NTAN1: variants seen among roughly 807,000 people sequenced by gnomAD.
NTAN1 encodes N-terminal asparagine amidase.
In NTAN1, 32 loss-of-function variants were observed where a neutral mutation model predicts 41.9. That is an observed-to-expected ratio of 0.76 (90% confidence interval 0.58 to 1.03). The LOEUF (loss-of-function observed/expected upper bound fraction) is 1.03. Ranked by LOEUF, NTAN1 falls within the 50% of genes least tolerant of loss-of-function variation. The probability of loss-of-function intolerance (pLI) is 0.00; values close to 1 mark genes in which losing one functional copy is unlikely to be tolerated. For synonymous variants in NTAN1, 140 were observed against 139.5 expected, an observed-to-expected ratio of 1.00 and a Z score of -0.03; for missense variants, 377 against 377.5, an observed-to-expected ratio of 1.00 and a Z score of 0.01.
chr16:15,048,487 T>A (rs2044170159), intron 1 of NTAN1, among the ~76,000 whole-genome samples: 1 of 151,958 alleles, frequency 6.6e-6, no homozygotes, highest in South Asian at 2.1e-4. Flanking sequence ...CCCAAAGTGC[T>A]GGGATTACAG....
At chr16:15,043,034 G>A (rs1287173371) in intron 5 of NTAN1, among the ~76,000 whole-genome samples, 3 of 152,030 alleles carry the variant, frequency 2.0e-5, no homozygotes, top group African/African-American at 4.8e-5. Context: ...CCAAGTAGCT[G>A]GGATTACAGG....
chr16:15,047,369 G>T, intron 4 of NTAN1, 73 bp downstream of exon 4: 1 of 988,116 alleles, frequency 1.0e-6, no homozygotes, highest in Non-Finnish European at 1.6e-6. Flanking sequence ...TCCCCTAACA[G>T]CTTCCACAGC....
Position 15,047,513 on chromosome 16 carries a change from G to A in NTAN1, c.288C>T (p.Thr96=), listed in dbSNP as rs983494020. 4 of 1,613,980 alleles carry A rather than the reference G, an allele frequency of 2.5e-6. No individual in the cohort carries two copies. Among genetic ancestry groups the A allele is most frequent in the East Asian group, 2.2e-5 (1 of 44,888 alleles). ...TCAAGGGGACCTCAGCTTTGGTGTC[G>A]GTTCCGTCACAATGTGTCAAGCAGG... ...GATCLTHCDG[T]DTKAEVPLIM... The change falls in exon 4 of 10, where the codon ACC becomes ACT. Residue 96 remains threonine (T), a synonymous_variant. Transcript: ENST00000287706.
intron 5 of NTAN1, among the ~76,000 whole-genome samples, chr16:15,042,226 C>A (rs2043849601): frequency 6.7e-6 from 1 of 149,016 alleles, no homozygotes; most frequent in African/African-American, 2.5e-5. Flanking sequence ...TGCTCTGTCA[C>A]CCAGGCTGGA....
At chr16:15,052,808 G>A (rs2151730936) in intron 1 of NTAN1, among the ~76,000 whole-genome samples, 1 of 152,084 alleles carries the variant, frequency 6.6e-6, no homozygotes, top group South Asian at 2.1e-4. Context: ...CTGGGTGACA[G>A]AGCAAGGCTC....
chr16:15,038,482 G>T, intron 9 of NTAN1, 92 bp downstream of exon 9: 1 of 736,344 alleles, frequency 1.4e-6, no homozygotes, highest in Non-Finnish European at 2.3e-6. Flanking sequence ...CAAAGGGAAA[G>T]CAGCTATGAC....
chr16:15,048,656 C>T (rs374317705), intron 1 of NTAN1, among the ~76,000 whole-genome samples: 1 of 152,184 alleles, frequency 6.6e-6, no homozygotes, highest in East Asian at 1.9e-4. Context: ...CAGTCTCTCA[C>T]TCTGTCACCC....
chr16:15,048,192 G>T (rs1470214808), intron 1 of NTAN1, 93 bp from the exon 2 acceptor site: 1 of 797,950 alleles, frequency 1.3e-6, no homozygotes, highest in Non-Finnish European at 2.1e-6. Context: ...GCTCTGCGTG[G>T]GCAGCACGCT....
rs2044507128 is a variant in NTAN1 at position 15,056,055 on chromosome 16, C to T, written c.-84G>A. The T allele has an allele frequency of 1.9e-6, 1 of 527,682 alleles. No individual in the cohort carries two copies. Among genetic ancestry groups the T allele is most frequent in the Non-Finnish European group, 2.5e-6 (1 of 398,310 alleles). 32.7% of individuals were successfully genotyped at this position (527,682 alleles called of 1,614,324 possible). A position where few individuals can be genotyped will look rare whatever the true frequency, so the allele number is the denominator to read the frequency against. ...CGGGCCGCCCGCCGCCCCCGCCCCTCGGGCCGCGCGTCCCGCCTCGTCCTG... is the reference window on the plus strand; with the variant it reads ...CGGGCCGCCCGCCGCCCCCGCCCCTTGGGCCGCGCGTCCCGCCTCGTCCTG... On this transcript the variant is annotated 5_prime_UTR_variant, in exon 1 of 10. Coordinates refer to ENST00000287706, the MANE Select transcript of NTAN1 (RefSeq NM_173474.4).
chr16:15,048,430 G>C (rs1161341702), intron 1 of NTAN1, among the ~76,000 whole-genome samples: 3 of 152,118 alleles, frequency 2.0e-5, no homozygotes, highest in Non-Finnish European at 2.9e-5. Flanking sequence ...ATGTTGCCCA[G>C]GCTGGTCTTG....
chr16:15,047,585 C>T (rs371603293), intron 3 of NTAN1, 35 bp from the exon 4 acceptor site: 1 of 1,467,770 alleles, frequency 6.8e-7, no homozygotes, highest in Non-Finnish European at 9.6e-7. Flanking sequence ...CAAGTTATTC[C>T]CTGATGCGAG....
At chr16:15,039,106 A>C (rs994093157) in intron 8 of NTAN1, among the ~76,000 whole-genome samples, 2 of 152,224 alleles carry the variant, frequency 1.3e-5, no homozygotes, top group Non-Finnish European at 2.9e-5. Flanking sequence ...AAAAGCATAC[A>C]GTGCCTGCTG....
At chr16:15,042,530 C>T (rs536257618) in intron 5 of NTAN1, among the ~76,000 whole-genome samples, 7 of 152,182 alleles carry the variant, frequency 4.6e-5, no homozygotes, top group African/African-American at 1.7e-4. Flanking sequence ...TAGGTATTTT[C>T]CCATGTAATT....
In NTAN1 at chr16:15,038,562, G is replaced by A. The variant is rs763475589; in HGVS notation, c.753+12C>T. On this transcript the variant is annotated intron_variant, in intron 9 of 9. Transcript: ENST00000287706. ...CAGAGATTTAAGACTTACCCAGCCT[G>A]TAAACTCTCACCTCTAGTATTTGCT... The A allele has an allele frequency of 2.1e-6, 3 of 1,430,534 alleles. No homozygotes were observed. The highest frequency in any genetic ancestry group is 3.5e-5 in the Admixed American group (2 of 57,952). The allele number at this position is 1,430,534 out of a possible 1,614,324, so 88.6% of individuals were successfully genotyped here.
At chr16:15,041,726 C>A (rs111350492) in intron 5 of NTAN1, 50 bp from the exon 6 acceptor site, 1 of 1,354,408 alleles carries the variant, frequency 7.4e-7, no homozygotes. Context: ...CTCTAGTTAC[C>A]AGAACAAACT....
intron 5 of NTAN1, among the ~76,000 whole-genome samples, chr16:15,043,268 T>G (rs1432883358): frequency 6.6e-6 from 1 of 152,164 alleles, no homozygotes; most frequent in Non-Finnish European, 1.5e-5. Context: ...ACTCCTGACC[T>G]TAGGTGATCC....
At chr16:15,049,286 C>T (rs193206655) in intron 1 of NTAN1, among the ~76,000 whole-genome samples, 288 of 152,324 alleles carry the variant, frequency 1.9e-3, no homozygotes, top group Non-Finnish European at 3.2e-3. Context: ...ACCTTGGCCT[C>T]CTACAGTGCT....
At position 15,038,221 on chromosome 16, in the gene NTAN1, A is replaced by G. The variant is rs754318040; in HGVS notation, c.754-11T>C. Reference sequence around the variant, plus strand: ...CGAAGTGGAAAGATTCTGAAAACACAAGATGGTGGGCATTAGAGAAGCCAA... The same window carrying G: ...CGAAGTGGAAAGATTCTGAAAACACGAGATGGTGGGCATTAGAGAAGCCAA... On this transcript the variant is annotated splice_polypyrimidine_tract_variant and intron_variant, in intron 9 of 9. Transcript: ENST00000287706. 2 of 1,609,642 alleles carry G rather than the reference A, an allele frequency of 1.2e-6. No homozygotes were observed. Among genetic ancestry groups the G allele is most frequent in the East Asian group, 4.5e-5 (2 of 44,854 alleles).
rs141911550 is a variant in NTAN1 at position 15,038,533 on chromosome 16, G to A, written c.753+41C>T. The A allele has an allele frequency of 2.1e-4, 225 of 1,089,262 alleles. No homozygotes were observed. In the African/African-American group the frequency reaches 3.3e-3, roughly 16 times the overall value. The allele number at this position is 1,089,262 out of a possible 1,614,324, so 67.5% of individuals were successfully genotyped here. ...TTTTTCTTACAGATGGGGAAACCAG[G>A]GTGCAGAGATTTAAGACTTACCCAG... On this transcript the variant is annotated intron_variant, in intron 9 of 9. Transcript: ENST00000287706.
Sources: gnomAD v4.1 joint callset for allele counts (sites outside exome capture counted in the v4.1 genomes callset) on GRCh38, gnomAD v4.1.1 for gene constraint, MANE v1.5 for transcripts, NCBI Gene and HGNC (gene_info 2026-07-23, HGNC 2026-07-21) for gene names.